Variants in PHACTR2 observed in about 807,000 individuals in gnomAD.
The protein encoded by PHACTR2 is phosphatase and actin regulator 2.
PHACTR2 carries 30 observed loss-of-function variants against 76.0 expected under a neutral mutation model. The observed-to-expected ratio is 0.39, with a 90% confidence interval of 0.30 to 0.54. PHACTR2 has a LOEUF of 0.54. Ranked by LOEUF, PHACTR2 falls within the 20% of genes least tolerant of loss-of-function variation. The pLI is 0.61. For synonymous variants in PHACTR2, 292 were observed against 292.5 expected, an observed-to-expected ratio of 1.00 and a Z score of 0.02; for missense variants, 696 against 781.1, an observed-to-expected ratio of 0.89 and a Z score of 1.30.
rs1200211568 is a variant in PHACTR2 at position 143,547,665 on chromosome 6, G to A, written c.217+10458G>A. 6.6e-6 allele frequency among the ~76,000 whole-genome samples: 1 copy of A among 152,200 alleles called. No homozygotes were observed. Among genetic ancestry groups the A allele is most frequent in the Non-Finnish European group, 1.5e-5 (1 of 68,042 alleles). On this transcript the variant is annotated intron_variant, in intron 1 of 11. Transcript: ENST00000367584. This position sits in a 1 kb window ranked among gnomAD's most constrained non-coding sequence, Gnocchi z 4.2. ...GAACAAATTTCTATAGTTAGCAATA[G>A]AGACTCCCTTCTTCGAATGAAGGAA...
intron 1 of PHACTR2, among the ~76,000 whole-genome samples, chr6:143,660,097 A>C (rs1238547151): frequency 1.3e-5 from 2 of 152,232 alleles, no homozygotes; most frequent in Non-Finnish European, 2.9e-5. Flanking sequence ...AATACTGCTT[A>C]CTACTGGTAG....
intron 1 of PHACTR2, among the ~76,000 whole-genome samples, chr6:143,572,713 C>T (rs1649193399): frequency 1.3e-5 from 2 of 152,134 alleles, no homozygotes; most frequent in South Asian, 4.1e-4. Flanking sequence ...CCACCACACC[C>T]AGCTAATTTT....
chr6:143,827,076 G>A lies in PHACTR2; in HGVS notation c.*3387G>A, dbSNP rs1776544903. The A allele has an allele frequency of 6.8e-6, 1 of 147,146 alleles. No homozygotes were observed. Among genetic ancestry groups the A allele is most frequent in the Non-Finnish European group, 1.5e-5 (1 of 67,126 alleles). The allele number at this position is 147,146 out of a possible 1,614,324, so 9.1% of individuals were successfully genotyped here. On this transcript the variant is annotated 3_prime_UTR_variant, in exon 13 of 13. Coordinates refer to ENST00000440869, the MANE Select transcript of PHACTR2 (RefSeq NM_001100164.2). ...ACCAAATACTGAAAATAAGAGATGA[G>A]TCCTTAAAACCTGAGTCAAAAAAGG...
chr6:143,749,212 A>T, intron 3 of PHACTR2, 147 bp downstream of exon 3: 1 of 595,964 alleles, frequency 1.7e-6, no homozygotes, highest in Non-Finnish European at 3.0e-6. Context: ...TCCATTGGTA[A>T]TGCCTTTGTG....
chr6:143,760,801 G>T lies in PHACTR2; in HGVS notation c.694+161G>T, dbSNP rs1779424536. Among the ~76,000 whole-genome samples the T allele has an allele frequency of 6.6e-6, 1 of 152,140 alleles. No individual in the cohort carries two copies. The highest frequency in any genetic ancestry group is 2.1e-4 in the South Asian group (1 of 4,830). On this transcript the variant is annotated intron_variant, in intron 5 of 12. Coordinates refer to ENST00000440869, the MANE Select transcript of PHACTR2 (RefSeq NM_001100164.2). The surrounding 1 kb of genome is among the most constrained non-coding windows in gnomAD (Gnocchi z 6.4). ...AGAATGCCCAGGAGATTCCTTTGTT[G>T]CTCTCTACCAAAGGAAATTCAACCC...
chr6:143,552,272 A>G (rs1008509296), intron 1 of PHACTR2, among the ~76,000 whole-genome samples: 4 of 152,188 alleles, frequency 2.6e-5, no homozygotes, highest in African/African-American at 9.7e-5. Flanking sequence ...AAGAGAACCT[A>G]AAGAATAAAA....
intron 1 of PHACTR2, among the ~76,000 whole-genome samples, chr6:143,560,884 T>TGG (rs1775260393): frequency 3.6e-5 from 1 of 27,888 alleles, no homozygotes; most frequent in South Asian, 9.5e-4. Flanking sequence ...AGCAGAGGGG[T>TGG]GTGTGTGTGT....
chr6:143,709,032 G>A lies in PHACTR2; in HGVS notation c.47-2984G>A, dbSNP rs1001460231. ...GTTGTTCAAAGTTAAGCCCTTCCAT[G>A]AGAGTTCAGCACAAAGTCTTCATGA... On this transcript the variant is annotated intron_variant, in intron 1 of 12. Coordinates refer to ENST00000440869, the MANE Select transcript of PHACTR2 (RefSeq NM_001100164.2). The surrounding 1 kb of genome is among the most constrained non-coding windows in gnomAD (Gnocchi z 4.4). Among the ~76,000 whole-genome samples, 1 of 152,174 alleles carries A rather than the reference G, an allele frequency of 6.6e-6. No individual in the cohort carries two copies. The highest frequency in any genetic ancestry group is 6.5e-5 in the Admixed American group (1 of 15,276).
rs1392247853 is a variant in PHACTR2 at position 143,722,376 on chromosome 6, T to C, written c.214+10193T>C. On this transcript the variant is annotated intron_variant, in intron 2 of 12. Transcript: ENST00000440869. This position sits in a 1 kb window ranked among gnomAD's most constrained non-coding sequence, Gnocchi z 4.1. ...TCCATGATATCTGGTTTTATACCAT[T>C]TTGTGGGTGTTTTCTTCTCTCTTGA... is the stretch of plus-strand genomic sequence containing the variant. 6.6e-6 allele frequency among the ~76,000 whole-genome samples: 1 copy of C among 152,176 alleles called. No individual in the cohort carries two copies. The highest frequency in any genetic ancestry group is 1.5e-5 in the Non-Finnish European group (1 of 68,030).
Position 143,602,081 on chromosome 6 carries a change from A to G in PHACTR2, c.217+64874A>G, listed in dbSNP as rs1484155622. ...TAGTTATTTTGAAATATAAAATACG[A>G]TTGTTAACTATAGTCACCTCATTGT... On this transcript the variant is annotated intron_variant, in intron 1 of 11. Transcript: ENST00000367584. This position sits in a 1 kb window ranked among gnomAD's most constrained non-coding sequence, Gnocchi z 6.1. 6.6e-6 allele frequency among the ~76,000 whole-genome samples: 1 copy of G among 152,154 alleles called. No individual in the cohort carries two copies. The highest frequency in any genetic ancestry group is 6.5e-5 in the Admixed American group (1 of 15,282).
At chr6:143,586,468 C>A (rs1226738957) in intron 1 of PHACTR2, among the ~76,000 whole-genome samples, 1 of 152,128 alleles carries the variant, frequency 6.6e-6, no homozygotes. Context: ...TGGAGCTTAG[C>A]CCACAAGGGT....
In PHACTR2 at chr6:143,725,393, G is replaced by A. The variant is rs1462514436; in HGVS notation, c.214+13210G>A. ...TTTTTTGTATTTTTAGTAGAGACGG[G>A]GTTTCACCATGTTAGCCAGGATGGT... is the stretch of plus-strand genomic sequence containing the variant. On this transcript the variant is annotated intron_variant, in intron 2 of 12. Coordinates refer to ENST00000440869, the MANE Select transcript of PHACTR2 (RefSeq NM_001100164.2). Among the ~76,000 whole-genome samples, 8 of 149,628 alleles carry A rather than the reference G, an allele frequency of 5.3e-5. No homozygotes were observed. The East Asian group carries it at 1.4e-3, about 27-fold the overall frequency.
At chr6:143,575,778 G>GTTTTTTTTTTTTTTTTTTTTTTT (rs1775499344) in intron 1 of PHACTR2, among the ~76,000 whole-genome samples, 1 of 151,904 alleles carries the variant, frequency 6.6e-6, no homozygotes, top group African/African-American at 2.4e-5. Context: ...TTATTGAACC[G>GTTTTTTTTTTTTTTTTTTTTTTT]TTTTGTTAAG....
chr6:143,749,335 G>T (rs1004764628), intron 3 of PHACTR2, among the ~76,000 whole-genome samples: 1 of 152,226 alleles, frequency 6.6e-6, no homozygotes, highest in African/African-American at 2.4e-5. Context: ...GGGCAATACA[G>T]ATGAGATACA....
chr6:143,608,524 A>C lies in PHACTR2; in HGVS notation c.13+202A>C, dbSNP rs932422278. Among the ~76,000 whole-genome samples the C allele has an allele frequency of 6.6e-6, 1 of 151,944 alleles. No individual in the cohort carries two copies. The highest frequency in any genetic ancestry group is 1.5e-5 in the Non-Finnish European group (1 of 68,028). On this transcript the variant is annotated intron_variant, in intron 1 of 11. Transcript: ENST00000305766. The surrounding 1 kb of genome is among the most constrained non-coding windows in gnomAD (Gnocchi z 4.6). ...TGAAGTTTAGGAACTGGGAATGCAG[A>C]TTGTATTCCAAATTCACCTTTTGTG...
chr6:143,687,356 G>A (rs1777548601), intron 1 of PHACTR2, among the ~76,000 whole-genome samples: 1 of 152,178 alleles, frequency 6.6e-6, no homozygotes, highest in African/African-American at 2.4e-5. Flanking sequence ...TTACAATTAA[G>A]CCTATTTAAT....
At position 143,806,914 on chromosome 6, in the gene PHACTR2, G is replaced by A. The variant is rs181908827; in HGVS notation, c.1846-143G>A. 6.1e-4 allele frequency: 305 copies of A among 503,994 alleles called. 2 individuals are homozygous for A. Among genetic ancestry groups the A allele is most frequent in the Middle Eastern group, 3.9e-3 (7 of 1,802 alleles). The allele number at this position is 503,994 out of a possible 1,614,324, so 31.2% of individuals were successfully genotyped here. On this transcript the variant is annotated intron_variant, in intron 11 of 12. Transcript: ENST00000440869. The surrounding 1 kb of genome is among the most constrained non-coding windows in gnomAD (Gnocchi z 5.8). Reference sequence around the variant, plus strand: ...TGAGGCTGCAATGAGCCATGATCTCGCCACTCCACTCCAGCTTGGATGACA... The same window carrying A: ...TGAGGCTGCAATGAGCCATGATCTCACCACTCCACTCCAGCTTGGATGACA...
At chr6:143,740,778 G>A (rs1290759576) in intron 2 of PHACTR2, among the ~76,000 whole-genome samples, 1 of 152,160 alleles carries the variant, frequency 6.6e-6, no homozygotes, top group Non-Finnish European at 1.5e-5. Flanking sequence ...AAATCAGAAA[G>A]CAGCGTACCT....
At position 143,799,006 on chromosome 6, in the gene PHACTR2, C is replaced by T. The variant is rs1421352859; in HGVS notation, c.1846-8051C>T. Among the ~76,000 whole-genome samples, 4 of 152,082 alleles carry T rather than the reference C, an allele frequency of 2.6e-5. 1 individual carries two copies. Among genetic ancestry groups the T allele is most frequent in the South Asian group, 4.1e-4 (2 of 4,828 alleles). ...TTCTGGTAGAATTTGGCTGTGAATC[C>T]GTCTGGTCCTGGACTCTTTTTGGTT... On this transcript the variant is annotated intron_variant, in intron 11 of 12. Coordinates refer to ENST00000440869, the MANE Select transcript of PHACTR2 (RefSeq NM_001100164.2).
Sources: allele counts gnomAD v4.1 joint callset (sites outside exome capture counted in the v4.1 genomes callset), GRCh38; gene constraint gnomAD v4.1.1; non-coding constraint Gnocchi (gnomAD v3.1); transcripts MANE v1.5; gene names NCBI Gene and HGNC (gene_info 2026-07-23, HGNC 2026-07-21).